Variants in EML6 observed in about 807,000 individuals in gnomAD.
EML6 encodes echinoderm microtubule-associated protein-like 6.
EML6 carries 154 observed loss-of-function variants against 240.1 expected under a neutral mutation model. The observed-to-expected ratio is 0.64, with a 90% CI of 0.56 to 0.73. The LOEUF is 0.73. Ranked by LOEUF, EML6 falls within the 30% of genes least tolerant of loss-of-function variation. EML6 has a pLI of 0.00. For missense variants in EML6, 2,964 were observed against 2,474.6 expected, an observed-to-expected ratio of 1.20 and a Z score of -4.20; for synonymous variants, 1,148 against 899.0, an observed-to-expected ratio of 1.28 and a Z score of -4.95.
At position 54,729,414 on chromosome 2, in the gene EML6, A is replaced by G. The variant is rs1359121529; in HGVS notation, c.197+4156A>G. Among the ~76,000 whole-genome samples, 3 of 152,248 alleles carry G rather than the reference A, an allele frequency of 2.0e-5. No individual in the cohort carries two copies. In the East Asian group the frequency reaches 5.8e-4, roughly 29 times the overall value. On this transcript the variant is annotated intron_variant, in intron 2 of 41. Transcript: ENST00000356458. ...AGCGTATATAAGACTCTTGAGGCTGAGAGTGAATTTTATAACCAGAGCTAA... is the reference window on the plus strand; with the variant it reads ...AGCGTATATAAGACTCTTGAGGCTGGGAGTGAATTTTATAACCAGAGCTAA...
chr2:54,897,936 G>T (rs577584440), intron 21 of EML6, among the ~76,000 whole-genome samples: 1 of 152,268 alleles, frequency 6.6e-6, no homozygotes, highest in East Asian at 1.9e-4. Flanking sequence ...GGCAGTGTGA[G>T]TGAGACGATG....
Position 54,863,821 on chromosome 2 carries a change from G to C in EML6, c.1864G>C (p.Asp622His), listed in dbSNP as rs1357042837. Residue 622 changes from aspartate to histidine, a missense_variant, in exon 13 of 42, where the codon GAT becomes CAT. Asp to His is a moderately conservative substitution (Grantham distance 81). Transcript: ENST00000356458. ...TTCCTACAGTGAAGAATCTGATTCA[G>C]ATTTATCTGATGTGCCCGAACTGGA... is the stretch of plus-strand genomic sequence containing the variant. ...ADSYSEESDSDLSDVPELDSD... is the reference protein window; with the variant it reads ...ADSYSEESDSHLSDVPELDSD... 1 of 1,549,424 alleles carries C rather than the reference G, an allele frequency of 6.5e-7. No homozygotes were observed. Among genetic ancestry groups the C allele is most frequent in the African/African-American group, 1.4e-5 (1 of 72,934 alleles).
In EML6 at chr2:54,813,352, A is replaced by T; in HGVS notation, c.318A>T (p.Thr106=). 6.4e-7 allele frequency: 1 copy of T among 1,551,684 alleles called. No individual in the cohort carries two copies. The highest frequency in any genetic ancestry group is 8.7e-7 in the Non-Finnish European group (1 of 1,146,846). Residue 106 remains threonine (T), a synonymous_variant, in exon 3 of 42, where the codon ACA becomes ACT. Coordinates refer to ENST00000356458, the MANE Select transcript of EML6 (RefSeq NM_001039753.4). ...TGTCTCTTCTTAAAGATGTCCATACACATGGAGTTGCCTGCCTGGCTTTTG... is the reference window on the plus strand; with the variant it reads ...TGTCTCTTCTTAAAGATGTCCATACTCATGGAGTTGCCTGCCTGGCTTTTG... The part of the protein sequence containing the change: ...QTVSLLKDVH[T]HGVACLAFDS...
intron 2 of EML6, among the ~76,000 whole-genome samples, chr2:54,807,542 C>T (rs1217905862): frequency 6.6e-6 from 1 of 152,048 alleles, no homozygotes; most frequent in Admixed American, 6.5e-5. Context: ...GTAAATATAC[C>T]CACTATGGCT....
intron 26 of EML6, among the ~76,000 whole-genome samples, chr2:54,919,391 T>A (rs1248537889): frequency 6.6e-6 from 1 of 152,232 alleles, no homozygotes. Context: ...ACATAGCAGT[T>A]ACCTCTATGG....
At chr2:54,850,551 T>C (rs756059922) in intron 10 of EML6, among the ~76,000 whole-genome samples, 2 of 149,354 alleles carry the variant, frequency 1.3e-5, no homozygotes, top group African/African-American at 2.5e-5. Flanking sequence ...CTAGAATATA[T>C]AAAGAATGCC....
chr2:54,859,915 T>A (rs940203807), intron 12 of EML6, among the ~76,000 whole-genome samples: 1 of 152,194 alleles, frequency 6.6e-6, no homozygotes, highest in African/African-American at 2.4e-5. Flanking sequence ...AAATGCAAGT[T>A]GAGCAGGACG....
intron 22 of EML6, 40 bp from the exon 23 acceptor site, chr2:54,903,004 A>C (rs1373215255): frequency 1.5e-5 from 23 of 1,537,134 alleles, no homozygotes; most frequent in Non-Finnish European, 2.0e-5. Context: ...TTGACAGTGA[A>C]GTTTTGGATA....
intron 7 of EML6, among the ~76,000 whole-genome samples, chr2:54,843,076 T>C (rs1255533083): frequency 2.6e-5 from 4 of 152,246 alleles, no homozygotes; most frequent in Admixed American, 1.3e-4. Context: ...CGTATAATTT[T>C]AACACAATGT....
intron 8 of EML6, among the ~76,000 whole-genome samples, 181 bp downstream of exon 8, chr2:54,844,429 C>G (rs1572989926): frequency 6.6e-6 from 1 of 152,302 alleles, no homozygotes; most frequent in Middle Eastern, 3.4e-3. Context: ...TCTTTCTTGG[C>G]TGCATCTTAA....
At chr2:54,767,608 GTGTGTGTGTGTGTGTGTGTGTGTA>G (rs1049093846) in intron 2 of EML6, among the ~76,000 whole-genome samples, 7 of 126,804 alleles carry the variant, frequency 5.5e-5, no homozygotes, top group African/African-American at 1.6e-4. Context: ...GTGTGTGTGT[GTGTGTGTGTGTGTGTGTGTGTGTA>G]TGTGTGTGTG....
At chr2:54,953,934 C>G in intron 31 of EML6, 49 bp from the exon 32 acceptor site, 2 of 1,395,616 alleles carry the variant, frequency 1.4e-6, no homozygotes, top group Non-Finnish European at 9.8e-7. Context: ...ATCGCCTTGG[C>G]TCTGCCATTT....
intron 26 of EML6, 30 bp downstream of exon 26, chr2:54,916,965 G>GTAT (rs1157655194): frequency 6.7e-7 from 1 of 1,485,084 alleles, no homozygotes; most frequent in Non-Finnish European, 9.2e-7. Flanking sequence ...ATCTTTACTT[G>GTAT]CTCAGTCTCC....
Position 54,823,392 on chromosome 2 carries a change from G to A in EML6, c.525+2930G>A, listed in dbSNP as rs544573366. 2.6e-5 allele frequency among the ~76,000 whole-genome samples: 4 copies of A among 152,156 alleles called. No homozygotes were observed. The East Asian group carries it at 7.7e-4, about 29-fold the overall frequency. On this transcript the variant is annotated intron_variant, in intron 5 of 41. Transcript: ENST00000356458. The stretch of plus-strand genomic sequence containing the variant: ...GAAGTGTGAGACTGGGGAGCTGGGT[G>A]GGTCCTTGGCTCATGATATGTTCCA...
intron 18 of EML6, 87 bp downstream of exon 18, chr2:54,891,241 C>T (rs908391507): frequency 1.5e-5 from 9 of 618,664 alleles, no homozygotes; most frequent in South Asian, 1.1e-4. Context: ...GCTACTACCT[C>T]GCTTGTCTCT....
intron 24 of EML6, among the ~76,000 whole-genome samples, chr2:54,907,803 C>T (rs1411730789): frequency 6.6e-6 from 1 of 152,142 alleles, no homozygotes; most frequent in Non-Finnish European, 1.5e-5. Context: ...TATTCAAGAG[C>T]AATTATAAAT....
intron 2 of EML6, among the ~76,000 whole-genome samples, chr2:54,770,560 A>G (rs1260272149): frequency 1.3e-5 from 2 of 152,164 alleles, no homozygotes; most frequent in African/African-American, 4.8e-5. Context: ...TCTTAATTCC[A>G]TAATCATCTA....
At position 54,827,700 on chromosome 2, in the gene EML6, C is replaced by T. The variant is rs116185852; in HGVS notation, c.660C>T (p.Ile220=). The T allele has an allele frequency of 8.2e-4, 1,276 of 1,551,664 alleles. 12 individuals are homozygous for T. The African/African-American group carries it at 0.016, about 20-fold the overall frequency. ...ACTCTGGTGCTTTAAATGGTGACATCTATGTCTGGAAAGGGCTCAATTTAG... is the reference window on the plus strand; with the variant it reads ...ACTCTGGTGCTTTAAATGGTGACATTTATGTCTGGAAAGGGCTCAATTTAG... ...ITYSGALNGD[I]YVWKGLNLVR... The change falls in exon 6 of 42, where the codon ATC becomes ATT. Residue 220 remains isoleucine, a synonymous_variant. Transcript: ENST00000356458.
chr2:54,788,531 C>T (rs950566537), intron 2 of EML6, among the ~76,000 whole-genome samples: 1 of 152,232 alleles, frequency 6.6e-6, no homozygotes, highest in East Asian at 1.9e-4. Flanking sequence ...CCCCCCGCCC[C>T]AGCAGGTCTA....
Sources: allele counts gnomAD v4.1 joint callset (sites outside exome capture counted in the v4.1 genomes callset), GRCh38; gene constraint gnomAD v4.1.1; transcripts MANE v1.5; gene names NCBI Gene and HGNC (gene_info 2026-07-23, HGNC 2026-07-21).